The following CDH13 variants were observed in gnomAD, a reference collection of about 807,000 sequenced individuals.
CDH13 encodes the protein cadherin-13.
In CDH13, 24 loss-of-function variants were observed where a neutral mutation model predicts 63.8. The observed-to-expected ratio is 0.38, with a 90% CI of 0.27 to 0.53. CDH13 has a LOEUF of 0.53. Among genes scored for constraint, CDH13 ranks in the 20% least tolerant of loss-of-function variants. CDH13 has a pLI of 0.85. For synonymous variants in CDH13, 503 were observed against 355.3 expected, an observed-to-expected ratio of 1.42 and a Z score of -4.67; for missense variants, 1,049 against 903.1, an observed-to-expected ratio of 1.16 and a Z score of -2.07.
chr16:83,307,773 G>A (rs1387273102), intron 5 of CDH13, among the ~76,000 whole-genome samples: 4 of 152,156 alleles, frequency 2.6e-5, no homozygotes, highest in African/African-American at 9.7e-5. Context: ...CCCCGGAAAT[G>A]TTACTGCTCT....
At chr16:82,911,658 C>T (rs922936563) in intron 2 of CDH13, among the ~76,000 whole-genome samples, 1 of 152,194 alleles carries the variant, frequency 6.6e-6, no homozygotes, top group Non-Finnish European at 1.5e-5. Context: ...AGGAGCCTCA[C>T]TCAGACACCT....
chr16:83,363,373 T>C (rs1285821063), intron 6 of CDH13, among the ~76,000 whole-genome samples: 1 of 152,238 alleles, frequency 6.6e-6, no homozygotes, highest in Admixed American at 6.5e-5. Context: ...TATGCATGTG[T>C]GCAAGTATGT....
At chr16:82,813,595 T>C (rs372967847) in intron 1 of CDH13, among the ~76,000 whole-genome samples, 3 of 152,132 alleles carry the variant, frequency 2.0e-5, no homozygotes. Flanking sequence ...CGGAGGCTGC[T>C]TGTGGCCACT....
At chr16:83,569,112 G>A (rs770068735) in intron 7 of CDH13, among the ~76,000 whole-genome samples, 5 of 152,098 alleles carry the variant, frequency 3.3e-5, no homozygotes, top group Admixed American at 6.5e-5. Flanking sequence ...CAAATATAAT[G>A]TTATTCCACA....
intron 3 of CDH13, among the ~76,000 whole-genome samples, chr16:83,092,145 A>C (rs769362815): frequency 3.9e-5 from 6 of 152,240 alleles, no homozygotes; most frequent in Non-Finnish European, 7.3e-5. Flanking sequence ...CAAAATTGAC[A>C]TTCTTGTTCC....
At chr16:82,937,438 GAC>G (rs10626791) in intron 2 of CDH13, among the ~76,000 whole-genome samples, 2,165 of 146,038 alleles carry the variant, frequency 0.015, 29 homozygotes, top group Middle Eastern at 0.036. Flanking sequence ...CACACACACA[GAC>G]ACACACACAC....
chr16:83,415,792 C>T (rs968635211), intron 6 of CDH13, among the ~76,000 whole-genome samples: 2 of 152,084 alleles, frequency 1.3e-5, no homozygotes, highest in African/African-American at 4.8e-5. Flanking sequence ...CCATAGCTAA[C>T]GTCATACTCA....
intron 2 of CDH13, among the ~76,000 whole-genome samples, chr16:82,888,267 T>G (rs915428495): frequency 6.6e-6 from 1 of 152,198 alleles, no homozygotes; most frequent in African/African-American, 2.4e-5. Context: ...CATTTTCATA[T>G]AAGCTTCATG....
chr16:83,452,381 C>T (rs2072908687), intron 6 of CDH13, among the ~76,000 whole-genome samples: 1 of 148,268 alleles, frequency 6.7e-6, no homozygotes, highest in Admixed American at 6.8e-5. Flanking sequence ...TTACTTGGTG[C>T]CAAGTTCTAT....
rs773543164 is a variant in CDH13, at chr16:83,779,928, T to G, written c.1682-40T>G. 1.8e-5 allele frequency: 25 copies of G among 1,386,124 alleles called. No homozygotes were observed. In the African/African-American group the frequency reaches 2.8e-4, roughly 16 times the overall value. The allele number at this position is 1,386,124 out of a possible 1,614,324, so 85.9% of individuals were successfully genotyped here. A position where few individuals can be genotyped will look rare whatever the true frequency, so the allele number is the denominator to read the frequency against. On this transcript the variant is annotated intron_variant, in intron 11 of 13. Transcript: ENST00000567109. ...AGTGCTATGGTAAATTGCTCTCGCA[T>G]ATACCAGTTGCATACCAACATCTTC...
chr16:83,105,730 C>T (rs892095174), intron 3 of CDH13, among the ~76,000 whole-genome samples: 1 of 152,104 alleles, frequency 6.6e-6, no homozygotes, highest in Non-Finnish European at 1.5e-5. Context: ...TTGATAGAAA[C>T]CACCCCCAAA....
At chr16:83,574,708 C>T (rs140805098) in intron 7 of CDH13, among the ~76,000 whole-genome samples, 3 of 152,224 alleles carry the variant, frequency 2.0e-5, no homozygotes, top group South Asian at 2.1e-4. Context: ...GGTAGCTTCG[C>T]GAATCACGAC....
At chr16:82,880,578 G>C (rs2040667224) in intron 2 of CDH13, among the ~76,000 whole-genome samples, 1 of 152,142 alleles carries the variant, frequency 6.6e-6, no homozygotes, top group African/African-American at 2.4e-5. Flanking sequence ...GATAATACTT[G>C]CTTGGTTGAT....
intron 7 of CDH13, among the ~76,000 whole-genome samples, chr16:83,501,359 G>A (rs1793149421): frequency 6.6e-6 from 1 of 152,156 alleles, no homozygotes; most frequent in African/African-American, 2.4e-5. Flanking sequence ...CTAAATTGTT[G>A]TGTGGGCTGA....
rs148503283 is a variant in CDH13 at position 83,789,337 on chromosome 16, C to CTTTTT, written c.2135-5681_2135-5677dup. 1.7e-3 allele frequency among the ~76,000 whole-genome samples: 226 copies of CTTTTT among 132,038 alleles called. 3 individuals carry two copies. Among genetic ancestry groups the CTTTTT allele is most frequent in the Middle Eastern group, 7.8e-3 (2 of 256 alleles). The allele number at this position is 132,038 out of a possible 152,430, so 86.6% of individuals were successfully genotyped here. A position where few individuals can be genotyped will look rare whatever the true frequency, so the allele number is the denominator to read the frequency against. On this transcript the variant is annotated intron_variant, in intron 13 of 13. Coordinates refer to ENST00000567109, the MANE Select transcript of CDH13 (RefSeq NM_001257.5). ...AAAAAACACTGAAATTAGTAGCTTT[C>CTTTTT]TTTTTTTTTGTTTGTCTGTTTTGTT...
intron 5 of CDH13, among the ~76,000 whole-genome samples, chr16:83,225,378 G>A (rs1186665371): frequency 2.0e-5 from 3 of 152,238 alleles, no homozygotes; most frequent in African/African-American, 4.8e-5. Context: ...CTTCCAAACT[G>A]CTTTCTTTTT....
intron 1 of CDH13, among the ~76,000 whole-genome samples, chr16:82,763,658 G>T (rs1034748150): frequency 1.4e-4 from 22 of 152,158 alleles, no homozygotes; most frequent in Admixed American, 1.4e-3. Context: ...TATATAATGA[G>T]CCTCTGGATT....
At chr16:83,245,727 TC>T (rs1904923870) in intron 5 of CDH13, among the ~76,000 whole-genome samples, 1 of 152,296 alleles carries the variant, frequency 6.6e-6, no homozygotes, top group African/African-American at 2.4e-5. Flanking sequence ...TCAATTTTTT[TC>T]CTTTTATTTT....
chr16:83,404,352 C>G (rs1425356517), intron 6 of CDH13, among the ~76,000 whole-genome samples: 4 of 152,200 alleles, frequency 2.6e-5, no homozygotes, highest in South Asian at 2.1e-4. Context: ...TGTTTCTTCT[C>G]CCAACACATC....
Sources: allele counts gnomAD v4.1 joint callset (sites outside exome capture counted in the v4.1 genomes callset), GRCh38; gene constraint gnomAD v4.1.1; transcripts MANE v1.5; gene names NCBI Gene and HGNC (gene_info 2026-07-23, HGNC 2026-07-21).